Variants in JAKMIP3 observed in about 807,000 individuals in gnomAD.
JAKMIP3 encodes the protein Janus kinase and microtubule interacting protein 3.
JAKMIP3 carries 58 observed loss-of-function variants against 118.5 expected under a neutral mutation model. That is an observed-to-expected ratio of 0.49 (90% CI 0.40 to 0.61). The LOEUF (loss-of-function observed/expected upper bound fraction) is 0.61, where lower values mean the gene tolerates loss of function less well. JAKMIP3 is among the 20% of genes least tolerant of loss of function. The pLI is 0.00. For missense variants in JAKMIP3, 950 were observed against 1,109.0 expected (o/e 0.86, Z 2.04); for synonymous variants, 486 against 451.2 (o/e 1.08, Z -0.98).
chr10:132,048,730 G>A (rs2038009643), intron 1 of JAKMIP3, among the ~76,000 whole-genome samples: 2 of 138,130 alleles, frequency 1.4e-5, no homozygotes, highest in Non-Finnish European at 3.0e-5. Context: ...TCCGCCTCCC[G>A]GGTTCACGCC....
intron 1 of JAKMIP3, among the ~76,000 whole-genome samples, chr10:132,043,891 C>T (rs1375188193): frequency 6.6e-6 from 1 of 152,220 alleles, no homozygotes; most frequent in Non-Finnish European, 1.5e-5. Context: ...TGGAAATAAG[C>T]TAGGAATTGA....
chr10:132,079,756 C>G (rs1017049083), intron 1 of JAKMIP3, among the ~76,000 whole-genome samples: 1 of 152,222 alleles, frequency 6.6e-6, no homozygotes, highest in African/African-American at 2.4e-5. Flanking sequence ...TCCCCTCGTC[C>G]AGGCCCTGGC....
chr10:132,101,761 T>A (rs9419365), intron 1 of JAKMIP3, among the ~76,000 whole-genome samples: 2 of 151,650 alleles, frequency 1.3e-5, no homozygotes, highest in African/African-American at 2.4e-5. Flanking sequence ...AGGACTTGAA[T>A]GGAGGTGGGA....
At chr10:132,040,238 G>A (rs966970812) in intron 1 of JAKMIP3, among the ~76,000 whole-genome samples, 1 of 152,216 alleles carries the variant, frequency 6.6e-6, no homozygotes, top group Non-Finnish European at 1.5e-5. Context: ...AGGGCACAGA[G>A]GCAGCTCTGT....
At chr10:132,101,329 C>T (rs531871427) in intron 1 of JAKMIP3, among the ~76,000 whole-genome samples, 3 of 152,100 alleles carry the variant, frequency 2.0e-5, no homozygotes, top group Admixed American at 6.5e-5. Context: ...CCAGCCTGGG[C>T]GACAGAGCAA....
At chr10:132,097,444 C>T (rs1403037781) in intron 1 of JAKMIP3, among the ~76,000 whole-genome samples, 1 of 152,092 alleles carries the variant, frequency 6.6e-6, no homozygotes, top group African/African-American at 2.4e-5. Context: ...CACACGGACT[C>T]TCGGGAGGTC....
At chr10:132,047,078 GT>G (rs2037940010) in intron 1 of JAKMIP3, among the ~76,000 whole-genome samples, 5 of 152,098 alleles carry the variant, frequency 3.3e-5, no homozygotes, top group African/African-American at 9.7e-5. Flanking sequence ...GTGGAGACAG[GT>G]TCTCACTATG....
rs188037073 is a variant in JAKMIP3, at chr10:132,161,091, G to T, written c.2221-2118G>T. Among the ~76,000 whole-genome samples, 815 of 82,170 alleles carry T rather than the reference G, an allele frequency of 9.9e-3. 7 individuals are homozygous for T. Among genetic ancestry groups the T allele is most frequent in the Non-Finnish European group, 0.017 (624 of 36,920 alleles). The allele number at this position is 82,170 out of a possible 152,430, so 53.9% of individuals were successfully genotyped here. A position where few individuals can be genotyped will look rare whatever the true frequency, so the allele number is the denominator to read the frequency against. Reference sequence around the variant, plus strand: ...TGTGATGCTGGGGGGGCCTCTTCCTGTGTGATGCTGGGGGGGGTCTATTCC... The same window carrying T: ...TGTGATGCTGGGGGGGCCTCTTCCTTTGTGATGCTGGGGGGGGTCTATTCC... On this transcript the variant is annotated intron_variant, in intron 19 of 23. Coordinates refer to ENST00000684848, the MANE Select transcript of JAKMIP3 (RefSeq NM_001323087.2).
intron 1 of JAKMIP3, among the ~76,000 whole-genome samples, chr10:132,072,347 C>T (rs963121500): frequency 6.6e-6 from 1 of 152,034 alleles, no homozygotes; most frequent in African/African-American, 2.4e-5. Context: ...GAATTTGAGA[C>T]CAGCCTGGGT....
chr10:132,159,845 G>GA (rs201757565), intron 19 of JAKMIP3, among the ~76,000 whole-genome samples: 1 of 68,390 alleles, frequency 1.5e-5, no homozygotes, highest in Non-Finnish European at 2.6e-5. Context: ...GTGTGATGCT[G>GA]GGGGGCCTCT....
chr10:132,051,031 T>C (rs2038084844), intron 1 of JAKMIP3, among the ~76,000 whole-genome samples: 1 of 151,884 alleles, frequency 6.6e-6, no homozygotes, highest in Non-Finnish European at 1.5e-5. Flanking sequence ...CCTGGCATGG[T>C]TGGTCTTGTT....
intron 23 of JAKMIP3, among the ~76,000 whole-genome samples, chr10:132,180,938 T>G (rs983343343): frequency 1.3e-5 from 2 of 152,174 alleles, no homozygotes; most frequent in African/African-American, 4.8e-5. Flanking sequence ...TTGCATTGTG[T>G]GTACACATGT....
chr10:132,180,598 CGTGCGCGT>C (rs1440144602), intron 23 of JAKMIP3, among the ~76,000 whole-genome samples: 138 of 7,366 alleles, frequency 0.019, 19 homozygotes, highest in Non-Finnish European at 0.025. Flanking sequence ...TGTGTGTGTG[CGTGCGCGT>C]GTGTGTGTGC....
At chr10:132,097,983 C>T (rs796952273) in intron 1 of JAKMIP3, among the ~76,000 whole-genome samples, 14,468 of 41,328 alleles carry the variant, frequency 0.35, 4,357 homozygotes, top group East Asian at 0.44. Context: ...TTCTCCCCTT[C>T]CCCTTCCCCT....
chr10:132,091,104 A>G (rs994836727), intron 1 of JAKMIP3, among the ~76,000 whole-genome samples: 4 of 152,304 alleles, frequency 2.6e-5, no homozygotes, highest in South Asian at 2.1e-4. Context: ...TGAGTTTCTT[A>G]ATCCTGAGTT....
intron 1 of JAKMIP3, among the ~76,000 whole-genome samples, chr10:132,085,028 G>A (rs2042205283): frequency 6.6e-6 from 1 of 152,102 alleles, no homozygotes; most frequent in African/African-American, 2.4e-5. Flanking sequence ...TATTGGTCTA[G>A]TTTTCTTTTT....
Position 132,078,726 on chromosome 10 carries a change from G to A in JAKMIP3, c.-138+12665G>A, listed in dbSNP as rs1182232889. Reference sequence around the variant, plus strand: ...CCAGTTGGGTAAAACTGCATTATTTGGACTAGAGAATTGTTTTTCTGTTTG... The same window carrying A: ...CCAGTTGGGTAAAACTGCATTATTTAGACTAGAGAATTGTTTTTCTGTTTG... On this transcript the variant is annotated intron_variant, in intron 1 of 23. Transcript: ENST00000684848. Among the ~76,000 whole-genome samples, 4 of 152,048 alleles carry A rather than the reference G, an allele frequency of 2.6e-5. No individual in the cohort carries two copies. In the East Asian group the frequency reaches 5.8e-4, roughly 22 times the overall value.
At chr10:132,043,338 G>A (rs1349364035) in intron 1 of JAKMIP3, among the ~76,000 whole-genome samples, 2 of 152,096 alleles carry the variant, frequency 1.3e-5, no homozygotes, top group African/African-American at 4.8e-5. Flanking sequence ...CCTAAGTGCT[G>A]GGATTACAGG....
intron 23 of JAKMIP3, among the ~76,000 whole-genome samples, chr10:132,175,849 T>C (rs2060093190): frequency 6.6e-6 from 1 of 152,232 alleles, no homozygotes; most frequent in Admixed American, 6.5e-5. Context: ...TGTGTAATGC[T>C]CTGCATCATA....
Sources: gnomAD v4.1 joint callset for allele counts (sites outside exome capture counted in the v4.1 genomes callset) on GRCh38, gnomAD v4.1.1 for gene constraint, MANE v1.5 for transcripts, NCBI Gene and HGNC (gene_info 2026-07-23, HGNC 2026-07-21) for gene names.